Variants in TMEM169 observed in about 807,000 individuals in gnomAD.
TMEM169 encodes transmembrane protein 169.
TMEM169 carries 18 observed loss-of-function variants against 27.3 expected under a neutral mutation model. The observed-to-expected ratio is 0.66, with a 90% CI of 0.46 to 0.98. TMEM169 has a LOEUF of 0.98. Ranked by LOEUF, TMEM169 falls within the 50% of genes least tolerant of loss-of-function variation. The pLI, the probability that TMEM169 is intolerant of heterozygous loss-of-function variation, is 0.00. For missense variants in TMEM169, 320 were observed against 368.6 expected (o/e 0.87, Z 1.08); for synonymous variants, 136 against 142.1 (o/e 0.96, Z 0.30).
At position 216,091,946 on chromosome 2, in the gene TMEM169, G is replaced by A. The variant is rs536302023; in HGVS notation, c.-126-3892G>A. On this transcript the variant is annotated intron_variant, in intron 1 of 2. Coordinates refer to ENST00000437356, the MANE Select transcript of TMEM169 (RefSeq NM_001142311.2). ...AATTGTAGGGAGATGAGGAAATCAT[G>A]TTTCAAGGTAAATCAAGGACAGTGT... 2.0e-5 allele frequency among the ~76,000 whole-genome samples: 3 copies of A among 152,298 alleles called. 1 individual carries two copies. The highest frequency in any genetic ancestry group is 4.1e-4 in the South Asian group (2 of 4,822).
At chr2:216,087,485 T>C (rs1696032489) in intron 1 of TMEM169, among the ~76,000 whole-genome samples, 1 of 152,206 alleles carries the variant, frequency 6.6e-6, no homozygotes, top group African/African-American at 2.4e-5. Flanking sequence ...AGAGACTAAT[T>C]ATTATTAGGT....
rs1559230171 is a variant in TMEM169, at chr2:216,100,172, CTTT to C, written c.526_528del (p.Phe176del). On this transcript the variant is annotated inframe_deletion, in exon 3 of 3. Transcript: ENST00000437356. ...TGCCTGCCTGTGGTTTTCATCCTTT[CTTT>C]TGTTGTCTCTTTCTACTACGGCACT... is the stretch of plus-strand genomic sequence containing the variant. 1 of 1,614,058 alleles carries C rather than the reference CTTT, an allele frequency of 6.2e-7. No individual in the cohort carries two copies. The highest frequency in any genetic ancestry group is 1.1e-5 in the South Asian group (1 of 91,072).
intron 1 of TMEM169, among the ~76,000 whole-genome samples, chr2:216,087,921 G>A (rs1463748293): frequency 6.6e-6 from 1 of 152,174 alleles, no homozygotes; most frequent in Non-Finnish European, 1.5e-5. Context: ...CACTTTGGGA[G>A]GCCGAGGCAG....
intron 1 of TMEM169, among the ~76,000 whole-genome samples, chr2:216,083,912 C>A (rs767021032): frequency 4.6e-5 from 7 of 152,236 alleles, no homozygotes; most frequent in Non-Finnish European, 1.0e-4. Flanking sequence ...AGCAATAGAT[C>A]TGCTGCTTGG....
At position 216,086,503 on chromosome 2, in the gene TMEM169, C is replaced by G. The variant is rs1048893221; in HGVS notation, c.-127+4524C>G. On this transcript the variant is annotated intron_variant, in intron 1 of 2. Transcript: ENST00000437356. The stretch of plus-strand genomic sequence containing the variant: ...TGGGTAAAATTTTCTTTTAACCTCT[C>G]TCTTGTGAAATCTAAAAGGAAGGAG... 2.2e-4 allele frequency among the ~76,000 whole-genome samples: 33 copies of G among 152,184 alleles called. 1 individual carries two copies. Among genetic ancestry groups the G allele is most frequent in the African/African-American group, 8.0e-4 (33 of 41,446 alleles).
chr2:216,089,602 G>A (rs183307237), intron 1 of TMEM169, among the ~76,000 whole-genome samples: 76 of 152,246 alleles, frequency 5.0e-4, no homozygotes, highest in African/African-American at 1.6e-3. Flanking sequence ...GATTACAGGC[G>A]TGCACAACCA....
chr2:216,081,988 G>A lies in TMEM169; in HGVS notation c.-127+9G>A. 1 of 498,812 alleles carries A rather than the reference G, an allele frequency of 2.0e-6. No individual in the cohort carries two copies. 30.9% of individuals were successfully genotyped at this position (498,812 alleles called of 1,614,324 possible). A position where few individuals can be genotyped will look rare whatever the true frequency, so the allele number is the denominator to read the frequency against. On this transcript the variant is annotated intron_variant, in intron 1 of 2. Transcript: ENST00000437356. The stretch of plus-strand genomic sequence containing the variant: ...TCCCTGGGCAGGTGTGGGTGAGACT[G>A]CTCGTTCGTTTCTTTAAATTTCGAT...
At chr2:216,096,315 C>A in intron 2 of TMEM169, 81 bp downstream of exon 2, 1 of 1,449,180 alleles carries the variant, frequency 6.9e-7, no homozygotes. Flanking sequence ...GGCATATGCT[C>A]ACTGTCCTAT....
chr2:216,085,137 G>A (rs1041470352), intron 1 of TMEM169, among the ~76,000 whole-genome samples: 5 of 152,136 alleles, frequency 3.3e-5, no homozygotes, highest in East Asian at 1.9e-4. Context: ...CGACAGGTGC[G>A]CGCTGCCACG....
chr2:216,092,563 G>T (rs969738965), intron 1 of TMEM169, among the ~76,000 whole-genome samples: 1 of 152,052 alleles, frequency 6.6e-6, no homozygotes, highest in East Asian at 1.9e-4. Context: ...AGAGGAAAAG[G>T]GAACAAGAAG....
At chr2:216,087,751 A>T (rs1696039120) in intron 1 of TMEM169, among the ~76,000 whole-genome samples, 1 of 152,238 alleles carries the variant, frequency 6.6e-6, no homozygotes, top group Non-Finnish European at 1.5e-5. Context: ...CAATACGATT[A>T]TTGTAAAGTA....
rs771462296 is a variant in TMEM169 at position 216,096,244 on chromosome 2, T to A, written c.271+10T>A. On this transcript the variant is annotated intron_variant, in intron 2 of 2. Transcript: ENST00000437356. The stretch of plus-strand genomic sequence containing the variant: ...TATCCTGTGGATGATGGTAAGTCTC[T>A]CTAGCCCACTTGTTTAAAGCCATGG... The A allele has an allele frequency of 5.6e-6, 9 of 1,608,824 alleles. No individual in the cohort carries two copies. In the East Asian group the frequency reaches 1.6e-4, roughly 28 times the overall value.
intron 1 of TMEM169, among the ~76,000 whole-genome samples, chr2:216,092,078 C>T (rs950400881): frequency 1.3e-5 from 2 of 152,112 alleles, no homozygotes; most frequent in African/African-American, 4.8e-5. Flanking sequence ...AGGAGCTCAC[C>T]CTTTACATTT....
chr2:216,097,483 G>A (rs1298074713), intron 2 of TMEM169, among the ~76,000 whole-genome samples: 1 of 152,162 alleles, frequency 6.6e-6, no homozygotes, highest in South Asian at 2.1e-4. Flanking sequence ...CCTGGGAGGT[G>A]GAGAATCTGT....
intron 2 of TMEM169, among the ~76,000 whole-genome samples, chr2:216,098,563 G>C (rs887797765): frequency 2.6e-5 from 4 of 152,152 alleles, no homozygotes; most frequent in African/African-American, 9.7e-5. Flanking sequence ...CCAGGGCCCT[G>C]CTCTTTAGGT....
At chr2:216,095,123 T>TTTTTTTTTTTTTTTTA (rs1574435813) in intron 1 of TMEM169, among the ~76,000 whole-genome samples, 1 of 148,366 alleles carries the variant, frequency 6.7e-6, no homozygotes, top group Non-Finnish European at 1.5e-5. Flanking sequence ...TTTTTTTTTT[T>TTTTTTTTTTTTTTTTA]GACAGAGTCT....
intron 2 of TMEM169, among the ~76,000 whole-genome samples, chr2:216,096,579 G>C (rs1395319898): frequency 6.6e-6 from 1 of 152,028 alleles, no homozygotes; most frequent in Non-Finnish European, 1.5e-5. Context: ...TGTCCAGGTT[G>C]GTCTCGAACT....
chr2:216,085,035 C>G (rs916339532), intron 1 of TMEM169, among the ~76,000 whole-genome samples: 2 of 152,152 alleles, frequency 1.3e-5, no homozygotes, highest in Non-Finnish European at 2.9e-5. Context: ...GTATCCCAGG[C>G]TGGAGTGCAG....
chr2:216,101,412 G>A lies in TMEM169; in HGVS notation c.*870G>A, dbSNP rs1034526263. 6.6e-6 allele frequency: 1 copy of A among 152,356 alleles called. No homozygotes were observed. Among genetic ancestry groups the A allele is most frequent in the East Asian group, 1.9e-4 (1 of 5,194 alleles). 9.4% of individuals were successfully genotyped at this position (152,356 alleles called of 1,614,324 possible). Reference sequence around the variant, plus strand: ...GTTTGGCTGGGTAGCTATATTCTCAGCTAAATACTGGGTTCACGCTAATTG... The same window carrying A: ...GTTTGGCTGGGTAGCTATATTCTCAACTAAATACTGGGTTCACGCTAATTG... On this transcript the variant is annotated 3_prime_UTR_variant, in exon 3 of 3. Coordinates refer to ENST00000437356, the MANE Select transcript of TMEM169 (RefSeq NM_001142311.2).
Sources: allele counts gnomAD v4.1 joint callset (sites outside exome capture counted in the v4.1 genomes callset), GRCh38; gene constraint gnomAD v4.1.1; transcripts MANE v1.5; gene names NCBI Gene and HGNC (gene_info 2026-07-23, HGNC 2026-07-21).